Variants in DENND6A observed in about 807,000 individuals in gnomAD.
The protein encoded by DENND6A is DENN domain containing 6A, also known as protein DENND6A.
A neutral mutation model predicts 95.5 loss-of-function variants in DENND6A; 43 were observed. That is an observed-to-expected ratio of 0.45 (90% CI 0.35 to 0.58). The LOEUF is 0.58. Ranked by LOEUF, DENND6A falls within the 20% of genes least tolerant of loss-of-function variation. The probability of loss-of-function intolerance (pLI) is 0.00; values close to 1 mark genes in which losing one functional copy is unlikely to be tolerated. For missense variants in DENND6A, 574 were observed against 736.0 expected, an observed-to-expected ratio of 0.78 and a Z score of 2.55; for synonymous variants, 257 against 260.4, an observed-to-expected ratio of 0.99 and a Z score of 0.13.
intron 14 of DENND6A, among the ~76,000 whole-genome samples, chr3:57,634,220 G>A (rs1444175074): frequency 6.6e-6 from 1 of 151,922 alleles, no homozygotes; most frequent in Non-Finnish European, 1.5e-5. Context: ...ATCACTTAAG[G>A]CCAGGAGTTC....
At chr3:57,654,676 TTC>T (rs2071287206) in intron 9 of DENND6A, 1 of 985,094 alleles carries the variant, frequency 1.0e-6, no homozygotes, top group Non-Finnish European at 1.2e-6. Flanking sequence ...AGGAAACTAT[TTC>T]TGTGATCAAG....
intron 9 of DENND6A, among the ~76,000 whole-genome samples, chr3:57,649,503 G>C (rs1320162145): frequency 2.0e-5 from 3 of 147,580 alleles, no homozygotes; most frequent in Non-Finnish European, 4.5e-5. Flanking sequence ...CCCACTACTG[G>C]GTATCTACCC....
chr3:57,655,627 T>C (rs1379074710), intron 9 of DENND6A, among the ~76,000 whole-genome samples: 8 of 152,160 alleles, frequency 5.3e-5, no homozygotes, highest in Non-Finnish European at 1.5e-5. Flanking sequence ...ATTAAAAATA[T>C]TTTTTTAAAT....
chr3:57,689,968 T>C (rs2077245953), intron 1 of DENND6A, among the ~76,000 whole-genome samples: 1 of 151,168 alleles, frequency 6.6e-6, no homozygotes, highest in South Asian at 2.1e-4. Flanking sequence ...GGAGGATCCC[T>C]CGAGTTTAGG....
chr3:57,660,972 CA>C (rs2153415525), intron 6 of DENND6A, 133 bp from the exon 7 acceptor site: 1 of 744,540 alleles, frequency 1.3e-6, no homozygotes, highest in East Asian at 3.2e-5. Flanking sequence ...AGATAAAAGG[CA>C]AAAGAAAAGT....
rs895267405 is a variant in DENND6A at position 57,650,419 on chromosome 3, CAT to C, written c.819-3983_819-3982del. 6.0e-5 allele frequency among the ~76,000 whole-genome samples: 5 copies of C among 83,686 alleles called. No individual in the cohort carries two copies. The East Asian group carries it at 3.6e-3, about 60-fold the overall frequency. 54.9% of individuals were successfully genotyped at this position (83,686 alleles called of 152,430 possible). A position where few individuals can be genotyped will look rare whatever the true frequency, so the allele number is the denominator to read the frequency against. ...GAGTGTGTATATATACATGCATTTA[CAT>C]ACACACACACACACACACACACACA... On this transcript the variant is annotated intron_variant, in intron 9 of 19. Coordinates refer to ENST00000311128, the MANE Select transcript of DENND6A (RefSeq NM_152678.3).
rs748231125 is a variant in DENND6A at position 57,628,302 on chromosome 3, A to G, written c.1739T>C (p.Met580Thr). The change falls in exon 20 of 20, where the codon ATG becomes ACG. Residue 580 changes from methionine to threonine, a missense_variant. Around this residue, in one of 2 missense-constraint regions of DENND6A, gnomAD observed 452 missense variants for 630.9 expected, o/e 0.72. Coordinates refer to ENST00000311128, the MANE Select transcript of DENND6A (RefSeq NM_152678.3). ...ATCTATGTGTGTCCGTAACTTTTCC[A>G]TAGTGTCAGGTTTCACAGGTAAGTG... The part of the protein sequence containing the change: ...REHLPVKPDT[M>T]EKLRTHIDAI... 6.2e-7 allele frequency: 1 copy of G among 1,614,184 alleles called. No individual in the cohort carries two copies. The highest frequency in any genetic ancestry group is 1.1e-5 in the South Asian group (1 of 91,080).
chr3:57,641,380 T>A (rs538236527), intron 12 of DENND6A, among the ~76,000 whole-genome samples: 1,465 of 146,234 alleles, frequency 0.01, 28 homozygotes, highest in African/African-American at 0.034. Context: ...CTAACATTTT[T>A]AAGACTTCAT....
chr3:57,653,467 C>CG (rs887404929), intron 9 of DENND6A, among the ~76,000 whole-genome samples: 1 of 151,936 alleles, frequency 6.6e-6, no homozygotes, highest in Non-Finnish European at 1.5e-5. Flanking sequence ...AGTAGTAGGC[C>CG]GGGCGCGGTG....
At chr3:57,652,831 C>T (rs2071237818) in intron 9 of DENND6A, among the ~76,000 whole-genome samples, 1 of 151,350 alleles carries the variant, frequency 6.6e-6, no homozygotes, top group African/African-American at 2.5e-5. Flanking sequence ...AATAACTGTC[C>T]TGTAATCTGC....
chr3:57,672,250 A>T lies in DENND6A; in HGVS notation c.319+6T>A. On this transcript the variant is annotated splice_donor_region_variant and intron_variant, in intron 3 of 19. Coordinates refer to ENST00000311128, the MANE Select transcript of DENND6A (RefSeq NM_152678.3). Reference sequence around the variant, plus strand: ...TAAACAGAAACACTGTATGAAAAACAGTTACCTGAATTTGAATCTGGAAAA... The same window carrying T: ...TAAACAGAAACACTGTATGAAAAACTGTTACCTGAATTTGAATCTGGAAAA... 6.2e-7 allele frequency: 1 copy of T among 1,605,890 alleles called. No homozygotes were observed. Among genetic ancestry groups the T allele is most frequent in the Non-Finnish European group, 8.5e-7 (1 of 1,176,430 alleles).
intron 5 of DENND6A, 101 bp from the exon 6 acceptor site, chr3:57,661,652 TA>T: frequency 2.1e-6 from 2 of 931,444 alleles, no homozygotes; most frequent in Non-Finnish European, 3.1e-6. Context: ...GTGTGGATTT[TA>T]AAATAAAAAG....
Position 57,693,011 on chromosome 3 carries a change from A to G in DENND6A, c.8T>C (p.Leu3Ser). MA[L>S]RGPAGLGPGS... ...GGGCCCCAAGCCCGCAGGGCCCCTC[A>G]AAGCCATCGGCCGCCCCCTGACCGT... is the stretch of plus-strand genomic sequence containing the variant. Residue 3 changes from leucine to serine, a missense_variant, in exon 1 of 20, where the codon TTG becomes TCG. This residue lies in a region of DENND6A where 122 missense variants were observed against 105.1 expected (regional missense o/e 1.16). Coordinates refer to ENST00000311128, the MANE Select transcript of DENND6A (RefSeq NM_152678.3). 1.4e-6 allele frequency: 2 copies of G among 1,480,256 alleles called. No individual in the cohort carries two copies. Among genetic ancestry groups the G allele is most frequent in the Non-Finnish European group, 1.8e-6 (2 of 1,127,912 alleles). The allele number at this position is 1,480,256 out of a possible 1,614,324, so 91.7% of individuals were successfully genotyped here.
In DENND6A at chr3:57,666,181, C is replaced by T. The variant is rs928053355; in HGVS notation, c.374G>A (p.Arg125Lys). 1 of 1,613,790 alleles carries T rather than the reference C, an allele frequency of 6.2e-7. No homozygotes were observed. The highest frequency in any genetic ancestry group is 8.5e-7 in the Non-Finnish European group (1 of 1,179,920). ...CFRFRQSSGR[R>K]VSLHCLLDQF... ...ATCCAGGAGACAATGCAGCGACACC[C>T]TCCTCCCAGAAGACTGTCGAAATCT... The change falls in exon 4 of 20, where the codon AGG becomes AAG. Residue 125 changes from arginine to lysine, a missense_variant. Arg to Lys is a conservative substitution (Grantham distance 26, BLOSUM62 2). Transcript: ENST00000311128.
At chr3:57,635,986 T>C (rs1055311363) in intron 12 of DENND6A, among the ~76,000 whole-genome samples, 1 of 152,224 alleles carries the variant, frequency 6.6e-6, no homozygotes, top group Non-Finnish European at 1.5e-5. Context: ...ATCTTCCTCA[T>C]GATTTTCTTA....
chr3:57,640,193 C>T (rs1275392722), intron 12 of DENND6A, among the ~76,000 whole-genome samples: 5 of 145,974 alleles, frequency 3.4e-5, no homozygotes, highest in South Asian at 2.2e-4. Flanking sequence ...CTCCTGAACC[C>T]GTGAAGCAGA....
chr3:57,674,512 T>C (rs1476712975), intron 1 of DENND6A, among the ~76,000 whole-genome samples: 2 of 151,528 alleles, frequency 1.3e-5, no homozygotes, highest in Non-Finnish European at 1.5e-5. Flanking sequence ...ATGCCTGTAA[T>C]CCCAGCTACT....
At chr3:57,639,515 T>C (rs889844484) in intron 12 of DENND6A, among the ~76,000 whole-genome samples, 1 of 152,190 alleles carries the variant, frequency 6.6e-6, no homozygotes, top group African/African-American at 2.4e-5. Flanking sequence ...GCCCAAACCA[T>C]GAAAATGTCA....
chr3:57,675,328 A>G (rs1298211029), intron 1 of DENND6A, among the ~76,000 whole-genome samples: 1 of 152,214 alleles, frequency 6.6e-6, no homozygotes, highest in East Asian at 1.9e-4. Flanking sequence ...TAATAACTCA[A>G]AGCTTACTGA....
Sources: allele counts gnomAD v4.1 joint callset (sites outside exome capture counted in the v4.1 genomes callset), GRCh38; gene constraint gnomAD v4.1.1; regional missense constraint gnomAD v4.1.1; transcripts MANE v1.5; gene names NCBI Gene and HGNC (gene_info 2026-07-23, HGNC 2026-07-21).